The following LIMS1 variants were observed in gnomAD, a reference collection of about 807,000 sequenced individuals.
LIMS1 encodes the protein LIM and senescent cell antigen-like-containing domain protein 1.
LIMS1 carries 18 observed loss-of-function variants against 44.1 expected under a neutral mutation model. That is an observed-to-expected ratio of 0.41 (90% CI 0.28 to 0.61). LIMS1 has a LOEUF of 0.61. LIMS1 is among the 20% of genes least tolerant of loss of function. The probability of loss-of-function intolerance (pLI) is 0.32; values close to 1 mark genes in which losing one functional copy is unlikely to be tolerated. For missense variants in LIMS1, 201 were observed against 422.0 expected, an observed-to-expected ratio of 0.48 and a Z score of 4.59; for synonymous variants, 93 against 149.1, an observed-to-expected ratio of 0.62 and a Z score of 2.74.
intron 1 of LIMS1, among the ~76,000 whole-genome samples, chr2:108,600,135 C>T (rs373252146): frequency 0.029 from 4,325 of 151,082 alleles, 92 homozygotes; most frequent in South Asian, 0.13. Flanking sequence ...CTGCAACCTC[C>T]GCCTTTTGGG....
At chr2:108,675,751 G>C (rs1692500647) in intron 5 of LIMS1, 127 bp from the exon 6 acceptor site, 1 of 1,191,870 alleles carries the variant, frequency 8.4e-7, no homozygotes, top group Non-Finnish European at 1.2e-6. Context: ...ACCTCTAAAG[G>C]GGAAAAAAGA....
intron 1 of LIMS1, among the ~76,000 whole-genome samples, chr2:108,626,904 G>A (rs1159486362): frequency 1.3e-5 from 2 of 152,182 alleles, no homozygotes; most frequent in Non-Finnish European, 2.9e-5. Context: ...ATAGTCATGT[G>A]CTGCATAAAA....
chr2:108,644,146 G>A lies in LIMS1; in HGVS notation c.33-15459G>A, dbSNP rs150760822. Among the ~76,000 whole-genome samples the A allele has an allele frequency of 2.7e-3, 409 of 152,290 alleles. 2 individuals carry two copies. Among genetic ancestry groups the A allele is most frequent in the African/African-American group, 9.3e-3 (386 of 41,546 alleles). On this transcript the variant is annotated intron_variant, in intron 1 of 9. Transcript: ENST00000544547. ...AGAGCAGCAGATCTCCCAGCACAGC[G>A]TTCAAGCTCTGATAAGGGACAGCCT...
At chr2:108,627,425 T>C (rs1378071740) in intron 1 of LIMS1, among the ~76,000 whole-genome samples, 3 of 142,266 alleles carry the variant, frequency 2.1e-5, no homozygotes, top group African/African-American at 7.8e-5. Flanking sequence ...TTTTTTGCAC[T>C]GCTATAGGAG....
chr2:108,559,434 T>C (rs1442547775), intron 1 of LIMS1, among the ~76,000 whole-genome samples: 1 of 152,374 alleles, frequency 6.6e-6, no homozygotes, highest in South Asian at 2.1e-4. Context: ...TAATTACTTA[T>C]GTTCCATAAG....
chr2:108,674,253 C>T (rs1573613520), intron 5 of LIMS1, among the ~76,000 whole-genome samples: 1 of 151,972 alleles, frequency 6.6e-6, no homozygotes, highest in East Asian at 1.9e-4. Context: ...TGGCAGGAAC[C>T]CGGAAGGCGG....
intron 9 of LIMS1, among the ~76,000 whole-genome samples, chr2:108,682,787 T>C (rs1186588432): frequency 6.6e-6 from 1 of 152,198 alleles, no homozygotes; most frequent in African/African-American, 2.4e-5. Context: ...GCAGTAAAAA[T>C]ATCAGCAGAT....
chr2:108,662,214 T>A, intron 2 of LIMS1: 1 of 1,612,028 alleles, frequency 6.2e-7, no homozygotes, highest in East Asian at 2.2e-5. Flanking sequence ...TTCTCCCATT[T>A]TGCCTGTGAC....
intron 1 of LIMS1, among the ~76,000 whole-genome samples, chr2:108,656,316 TC>T (rs1690836369): frequency 1.1e-4 from 8 of 75,238 alleles, no homozygotes; most frequent in Non-Finnish European, 2.1e-4. Context: ...TATCTATCTA[TC>T]TATAGATAGA....
At chr2:108,563,063 A>G (rs75727598) in intron 1 of LIMS1, among the ~76,000 whole-genome samples, 7,120 of 152,306 alleles carry the variant, frequency 0.047, 252 homozygotes, top group Non-Finnish European at 0.067. Flanking sequence ...TGTGTGCAGC[A>G]TGGTTTCCTG....
At chr2:108,666,054 C>T (rs1691734150) in intron 2 of LIMS1, among the ~76,000 whole-genome samples, 1 of 150,806 alleles carries the variant, frequency 6.6e-6, no homozygotes, top group Non-Finnish European at 1.5e-5. Flanking sequence ...GCCAAGCAAG[C>T]AATCGGTTCT....
chr2:108,556,629 CCTTCCTTTG>C (rs1301326567), intron 1 of LIMS1, among the ~76,000 whole-genome samples: 1 of 152,174 alleles, frequency 6.6e-6, no homozygotes, highest in Non-Finnish European at 1.5e-5. Flanking sequence ...TCCTTCCCTC[CCTTCCTTTG>C]TTGGAGGCTG....
intron 1 of LIMS1, among the ~76,000 whole-genome samples, chr2:108,597,056 G>A (rs906971677): frequency 1.1e-4 from 16 of 149,132 alleles, no homozygotes; most frequent in African/African-American, 3.9e-4. Flanking sequence ...TTACAGGCAC[G>A]TACCACCACA....
intron 1 of LIMS1, among the ~76,000 whole-genome samples, chr2:108,562,007 G>T (rs1446061351): frequency 2.0e-5 from 3 of 152,230 alleles, no homozygotes; most frequent in Non-Finnish European, 4.4e-5. Context: ...TTCCCGAAGT[G>T]CTGGGATTAC....
intron 1 of LIMS1, among the ~76,000 whole-genome samples, chr2:108,651,183 C>T (rs1366567508): frequency 6.6e-6 from 1 of 152,072 alleles, no homozygotes; most frequent in African/African-American, 2.4e-5. Flanking sequence ...TCTTTAACCC[C>T]CACATTAGTT....
chr2:108,546,427 G>A (rs1219983451), intron 1 of LIMS1, among the ~76,000 whole-genome samples: 1 of 151,922 alleles, frequency 6.6e-6, no homozygotes, highest in Non-Finnish European at 1.5e-5. Flanking sequence ...GATTACAGGT[G>A]TGAGCCACGG....
intron 3 of LIMS1, among the ~76,000 whole-genome samples, chr2:108,671,909 G>GT (rs1692185499): frequency 6.6e-6 from 1 of 152,190 alleles, no homozygotes; most frequent in Non-Finnish European, 1.5e-5. Context: ...GCCACGTGTG[G>GT]TGGCTCACGC....
intron 1 of LIMS1, among the ~76,000 whole-genome samples, chr2:108,593,768 C>G (rs970395100): frequency 6.6e-6 from 1 of 152,210 alleles, no homozygotes; most frequent in African/African-American, 2.4e-5. Flanking sequence ...AGAAATAACA[C>G]CAGACTGCCA....
intron 1 of LIMS1, among the ~76,000 whole-genome samples, chr2:108,605,113 A>G (rs1687204225): frequency 1.3e-5 from 2 of 152,196 alleles, no homozygotes; most frequent in African/African-American, 4.8e-5. Flanking sequence ...CCTGAGAGCT[A>G]GAGATGCAAA....
Sources: allele counts gnomAD v4.1 joint callset (sites outside exome capture counted in the v4.1 genomes callset), GRCh38; gene constraint gnomAD v4.1.1; transcripts MANE v1.5; gene names NCBI Gene and HGNC (gene_info 2026-07-23, HGNC 2026-07-21).